AUTS2: variants seen among roughly 807,000 people sequenced by gnomAD.
AUTS2 encodes autism susceptibility gene 2 protein.
In AUTS2, 17 loss-of-function variants were observed where a neutral mutation model predicts 112.4. The ratio of observed to expected loss-of-function variants is 0.15; its 90% CI spans 0.10 to 0.23. The LOEUF (loss-of-function observed/expected upper bound fraction) is 0.23. Among genes scored for constraint, AUTS2 ranks in the 10% least tolerant of loss-of-function variants. The pLI is 1.00. For missense variants in AUTS2, 1,510 were observed against 1,701.6 expected (o/e 0.89, Z 1.98); for synonymous variants, 751 against 702.7 (o/e 1.07, Z -1.09).
At chr7:70,751,466 A>G (rs980993459) in intron 6 of AUTS2, among the ~76,000 whole-genome samples, 6 of 152,180 alleles carry the variant, frequency 3.9e-5, no homozygotes, top group African/African-American at 1.2e-4. Flanking sequence ...ATTCCTATTC[A>G]GTGCCTTGGT....
intron 4 of AUTS2, among the ~76,000 whole-genome samples, chr7:70,382,550 C>A (rs1158824474): frequency 6.6e-6 from 1 of 152,220 alleles, no homozygotes; most frequent in Non-Finnish European, 1.5e-5. Flanking sequence ...TCTGACTTCT[C>A]CACTACAGGT....
chr7:70,039,952 C>T (rs538236991), intron 2 of AUTS2, among the ~76,000 whole-genome samples: 11 of 152,182 alleles, frequency 7.2e-5, no homozygotes, highest in African/African-American at 2.7e-4. Flanking sequence ...ACAGTAGAAC[C>T]TATTTAAATT....
At chr7:70,688,242 T>C (rs1176444264) in intron 5 of AUTS2, among the ~76,000 whole-genome samples, 2 of 152,188 alleles carry the variant, frequency 1.3e-5, no homozygotes, top group Admixed American at 6.5e-5. Context: ...ATCATGGGTA[T>C]GTTGAGCAAG....
rs17140764 is a variant in AUTS2 at position 69,661,887 on chromosome 7, A to C, written c.309+61925A>C. On this transcript the variant is annotated intron_variant, in intron 1 of 18. Coordinates refer to ENST00000342771, the MANE Select transcript of AUTS2 (RefSeq NM_015570.4). Reference sequence around the variant, plus strand: ...TGGTGCTGCTCAACCACTCTGTGACAGTGTTATTTTAACTTGAAATAGCAT... The same window carrying C: ...TGGTGCTGCTCAACCACTCTGTGACCGTGTTATTTTAACTTGAAATAGCAT... 1.9e-3 allele frequency among the ~76,000 whole-genome samples: 296 copies of C among 152,306 alleles called. 1 individual carries two copies. Among genetic ancestry groups the C allele is most frequent in the African/African-American group, 6.8e-3 (284 of 41,552 alleles).
chr7:70,594,493 G>A (rs1803099121), intron 5 of AUTS2, among the ~76,000 whole-genome samples: 1 of 152,154 alleles, frequency 6.6e-6, no homozygotes, highest in African/African-American at 2.4e-5. Flanking sequence ...AAAGTGACAG[G>A]ATGCCTCAAA....
At chr7:69,736,497 T>G (rs771776426) in intron 1 of AUTS2, among the ~76,000 whole-genome samples, 12 of 152,232 alleles carry the variant, frequency 7.9e-5, no homozygotes, top group Admixed American at 3.3e-4. Context: ...CACTTCATCT[T>G]TATCCTTGCC....
intron 1 of AUTS2, among the ~76,000 whole-genome samples, chr7:69,775,823 T>A (rs1399510370): frequency 6.6e-6 from 1 of 152,192 alleles, no homozygotes; most frequent in Non-Finnish European, 1.5e-5. Flanking sequence ...AAATCAGTTT[T>A]GAGTGGGTGT....
intron 1 of AUTS2, among the ~76,000 whole-genome samples, chr7:69,799,873 G>C (rs567713806): frequency 7.4e-4 from 113 of 151,986 alleles, no homozygotes; most frequent in Non-Finnish European, 1.4e-3. Context: ...TCTGGAGTAT[G>C]CCCAACCCCC....
intron 5 of AUTS2, among the ~76,000 whole-genome samples, chr7:70,572,380 A>G (rs940650381): frequency 7.2e-6 from 1 of 139,748 alleles, no homozygotes; most frequent in Non-Finnish European, 1.5e-5. Flanking sequence ...TGCTGTTGAA[A>G]TGGCAGGAAT....
intron 1 of AUTS2, among the ~76,000 whole-genome samples, chr7:69,714,807 T>G (rs1311310917): frequency 6.6e-6 from 1 of 152,156 alleles, no homozygotes; most frequent in Non-Finnish European, 1.5e-5. Flanking sequence ...GAGAATTGTT[T>G]ATTGTGTTGA....
intron 1 of AUTS2, among the ~76,000 whole-genome samples, chr7:69,826,688 C>T (rs1432895425): frequency 6.6e-6 from 1 of 152,202 alleles, no homozygotes; most frequent in East Asian, 1.9e-4. Context: ...TGCCTACTTT[C>T]ACTTTTAGTC....
intron 1 of AUTS2, among the ~76,000 whole-genome samples, chr7:69,877,542 G>A (rs1039546310): frequency 1.3e-5 from 2 of 152,060 alleles, no homozygotes; most frequent in Admixed American, 1.3e-4. Flanking sequence ...GCTGAGGCTT[G>A]GGGTATGAAT....
At chr7:69,618,017 C>A (rs973979026) in intron 1 of AUTS2, among the ~76,000 whole-genome samples, 13 of 152,160 alleles carry the variant, frequency 8.5e-5, no homozygotes, top group Non-Finnish European at 1.3e-4. Flanking sequence ...ACACATCTAA[C>A]CCTCACAACA....
intron 4 of AUTS2, among the ~76,000 whole-genome samples, chr7:70,259,998 A>G (rs892347555): frequency 2.0e-5 from 3 of 152,182 alleles, no homozygotes; most frequent in African/African-American, 7.2e-5. Flanking sequence ...CGAAGTTTTA[A>G]AATATTTTCT....
At chr7:70,501,515 G>A (rs1212393948) in intron 5 of AUTS2, among the ~76,000 whole-genome samples, 1 of 152,170 alleles carries the variant, frequency 6.6e-6, no homozygotes, top group Non-Finnish European at 1.5e-5. Flanking sequence ...TAGTCACTTT[G>A]CAGAGCCACA....
chr7:70,438,047 G>A (rs1222167514), intron 5 of AUTS2, among the ~76,000 whole-genome samples: 1 of 151,954 alleles, frequency 6.6e-6, no homozygotes, highest in Non-Finnish European at 1.5e-5. Flanking sequence ...AGCCTTTGGG[G>A]CTGTCTTGAA....
chr7:70,687,964 A>C (rs940567283), intron 5 of AUTS2, among the ~76,000 whole-genome samples: 3 of 152,248 alleles, frequency 2.0e-5, no homozygotes, highest in Non-Finnish European at 2.9e-5. Flanking sequence ...ATTAGGAATT[A>C]GCAGAGGTGA....
At chr7:70,193,747 A>G (rs1397729654) in intron 4 of AUTS2, among the ~76,000 whole-genome samples, 1 of 152,248 alleles carries the variant, frequency 6.6e-6, no homozygotes, top group Non-Finnish European at 1.5e-5. Context: ...GATAAAGCAG[A>G]CCTGCGCCAG....
At chr7:69,956,536 C>G (rs1262416749) in intron 2 of AUTS2, among the ~76,000 whole-genome samples, 1 of 152,124 alleles carries the variant, frequency 6.6e-6, no homozygotes, top group Non-Finnish European at 1.5e-5. Flanking sequence ...GTGCTCTCTC[C>G]CCTCAACCCC....
Sources: gnomAD v4.1 joint callset for allele counts (sites outside exome capture counted in the v4.1 genomes callset) on GRCh38, gnomAD v4.1.1 for gene constraint, MANE v1.5 for transcripts, NCBI Gene and HGNC (gene_info 2026-07-23, HGNC 2026-07-21) for gene names.